Variants in STX8 observed in about 807,000 individuals in gnomAD.
STX8 encodes the protein syntaxin 8, also known as syntaxin-8.
In STX8, 23 loss-of-function variants were observed where a neutral mutation model predicts 37.5. The ratio of observed to expected loss-of-function variants is 0.61; its 90% CI spans 0.44 to 0.87. The LOEUF (loss-of-function observed/expected upper bound fraction) is 0.87. Ranked by LOEUF, STX8 falls within the 40% of genes least tolerant of loss-of-function variation. STX8 has a pLI of 0.00. For missense variants in STX8, 313 were observed against 284.7 expected (o/e 1.10, Z -0.71); for synonymous variants, 115 against 99.1 (o/e 1.16, Z -0.95).
intron 7 of STX8, among the ~76,000 whole-genome samples, chr17:9,352,485 T>TTTTTTA (rs1910739526): frequency 1.3e-5 from 1 of 77,284 alleles, no homozygotes; most frequent in African/African-American, 4.7e-5. Context: ...TTTTTTTTTT[T>TTTTTTA]GAGACGGAGT....
chr17:9,368,321 A>G (rs1013480787), intron 7 of STX8, among the ~76,000 whole-genome samples: 1 of 152,046 alleles, frequency 6.6e-6, no homozygotes, highest in Non-Finnish European at 1.5e-5. Context: ...TGGCTAACAC[A>G]GTGAAACTCC....
chr17:9,362,646 G>A (rs1327736006), intron 7 of STX8, among the ~76,000 whole-genome samples: 3 of 151,770 alleles, frequency 2.0e-5, no homozygotes, highest in Non-Finnish European at 4.4e-5. Context: ...GTGAAACCCC[G>A]TCTCTACTAA....
chr17:9,313,036 A>G (rs763889106), intron 7 of STX8, among the ~76,000 whole-genome samples: 3 of 151,934 alleles, frequency 2.0e-5, no homozygotes, highest in Non-Finnish European at 4.4e-5. Context: ...ACTGAAAAAT[A>G]CAAAATTAGC....
intron 7 of STX8, among the ~76,000 whole-genome samples, chr17:9,287,715 C>G (rs1454759916): frequency 2.0e-5 from 3 of 152,098 alleles, no homozygotes; most frequent in Non-Finnish European, 4.4e-5. Flanking sequence ...TCAACAGATC[C>G]CACCCATGCC....
At chr17:9,445,007 A>G (rs918415845) in intron 6 of STX8, among the ~76,000 whole-genome samples, 1 of 152,172 alleles carries the variant, frequency 6.6e-6, no homozygotes, top group African/African-American at 2.4e-5. Flanking sequence ...CTCTCTGCTG[A>G]GCTGCTGACC....
rs978161067 is a variant in STX8 at position 9,352,738 on chromosome 17, G to A, written c.643+25814C>T. 6.6e-5 allele frequency among the ~76,000 whole-genome samples: 10 copies of A among 150,750 alleles called. No homozygotes were observed. In the East Asian group the frequency reaches 1.6e-3, roughly 24 times the overall value. On this transcript the variant is annotated intron_variant, in intron 7 of 7. Transcript: ENST00000306357. ...AGGATGGTCTCGATCTCCTGACCTC[G>A]TGATCCACCCGCCTCGGCCTCCCCC...
At chr17:9,528,588 G>C (rs897786519) in intron 4 of STX8, among the ~76,000 whole-genome samples, 3 of 152,154 alleles carry the variant, frequency 2.0e-5, no homozygotes. Context: ...GATTACAGGC[G>C]TGAGCCACTG....
chr17:9,556,639 A>G (rs1351827240), intron 3 of STX8, among the ~76,000 whole-genome samples: 2 of 151,002 alleles, frequency 1.3e-5, no homozygotes, highest in Non-Finnish European at 2.9e-5. Flanking sequence ...ATGGGGTTTC[A>G]CCATGTTGAC....
At chr17:9,379,151 A>G (rs1466157087) in intron 6 of STX8, among the ~76,000 whole-genome samples, 2 of 150,536 alleles carry the variant, frequency 1.3e-5, no homozygotes, top group African/African-American at 4.9e-5. Context: ...AGGCTGAGGT[A>G]GGAGAATCGC....
intron 7 of STX8, among the ~76,000 whole-genome samples, chr17:9,329,050 C>CAAAAAAAAAA (rs998679728): frequency 2.5e-4 from 7 of 27,996 alleles, no homozygotes; most frequent in Non-Finnish European, 2.8e-4. Flanking sequence ...GATTCCATCT[C>CAAAAAAAAAA]AAAAAAAAAA....
intron 4 of STX8, among the ~76,000 whole-genome samples, chr17:9,531,464 G>A (rs886786226): frequency 4.6e-5 from 7 of 152,002 alleles, no homozygotes; most frequent in African/African-American, 9.7e-5. Flanking sequence ...ACCCCACCCC[G>A]ACTTACTCAA....
intron 6 of STX8, among the ~76,000 whole-genome samples, chr17:9,464,076 A>AAT (rs987699212): frequency 3.9e-5 from 6 of 152,188 alleles, no homozygotes. Context: ...CTGTCTCAAA[A>AAT]ACAAAAACAA....
intron 7 of STX8, among the ~76,000 whole-genome samples, chr17:9,320,907 A>G (rs1470106634): frequency 1.3e-5 from 2 of 151,868 alleles, no homozygotes; most frequent in Admixed American, 6.6e-5. Context: ...CCAAAAAAAA[A>G]AAAGAAAGAA....
At chr17:9,323,701 T>C (rs1909651646) in intron 7 of STX8, among the ~76,000 whole-genome samples, 1 of 151,148 alleles carries the variant, frequency 6.6e-6, no homozygotes, top group Non-Finnish European at 1.5e-5. Context: ...GGAAGGGAGA[T>C]TGCGTTACTC....
At chr17:9,479,782 C>T (rs1169881488) in intron 6 of STX8, among the ~76,000 whole-genome samples, 6 of 151,910 alleles carry the variant, frequency 3.9e-5, no homozygotes, top group Non-Finnish European at 7.4e-5. Context: ...ATGGTCACAC[C>T]GACACCACAA....
chr17:9,253,164 A>C (rs935620398), intron 7 of STX8, among the ~76,000 whole-genome samples: 1 of 147,942 alleles, frequency 6.8e-6, no homozygotes, highest in Non-Finnish European at 1.5e-5. Context: ...ACACTATTTT[A>C]CCTCACATTT....
chr17:9,511,694 C>T (rs1232201661), intron 4 of STX8, among the ~76,000 whole-genome samples: 1 of 152,138 alleles, frequency 6.6e-6, no homozygotes, highest in Non-Finnish European at 1.5e-5. Flanking sequence ...AGGATGCCCA[C>T]TCTCATCACT....
chr17:9,347,696 T>C (rs929953361), intron 7 of STX8, among the ~76,000 whole-genome samples: 14 of 152,286 alleles, frequency 9.2e-5, no homozygotes, highest in African/African-American at 3.1e-4. Context: ...TTTGTATTTT[T>C]AGTAGAAACT....
At chr17:9,479,926 G>A (rs766553656) in intron 6 of STX8, among the ~76,000 whole-genome samples, 4 of 152,054 alleles carry the variant, frequency 2.6e-5, no homozygotes, top group African/African-American at 4.8e-5. Flanking sequence ...ACCATGTTAC[G>A]CTCCTTTGCG....
Sources: allele counts gnomAD v4.1 joint callset (sites outside exome capture counted in the v4.1 genomes callset), GRCh38; gene constraint gnomAD v4.1.1; transcripts MANE v1.5; gene names NCBI Gene and HGNC (gene_info 2026-07-23, HGNC 2026-07-21).